Variants in PRDM4 observed in about 807,000 individuals in gnomAD.
The protein encoded by PRDM4 is PR/SET domain 4, also known as PR domain zinc finger protein 4.
A neutral mutation model predicts 62.3 loss-of-function variants in PRDM4; 38 were observed. The ratio of observed to expected loss-of-function variants is 0.61; its 90% CI spans 0.47 to 0.80. The LOEUF is 0.80. Among genes scored for constraint, PRDM4 ranks in the 30% least tolerant of loss-of-function variants. PRDM4 has a pLI of 0.00. For missense variants in PRDM4, 858 were observed against 997.1 expected, an observed-to-expected ratio of 0.86 and a Z score of 1.88; for synonymous variants, 339 against 348.2, an observed-to-expected ratio of 0.97 and a Z score of 0.30.
chr12:107,740,926 G>T lies in PRDM4; in HGVS notation c.1924+20C>A. On this transcript the variant is annotated intron_variant, in intron 10 of 11. Coordinates refer to ENST00000228437, the MANE Select transcript of PRDM4 (RefSeq NM_012406.4). ...CTAATTGTTGCAAAAATTCCATTCT[G>T]ATGGGCCAACACAACTTACCTGTAT... 1 of 1,598,234 alleles carries T rather than the reference G, an allele frequency of 6.3e-7. No individual in the cohort carries two copies. Among genetic ancestry groups the T allele is most frequent in the South Asian group, 1.1e-5 (1 of 89,780 alleles).
At position 107,739,509 on chromosome 12, in the gene PRDM4, G is replaced by C; in HGVS notation, c.1967C>G (p.Thr656Ser). ...GTGGGACTCCAGGTGAGCCTTCTGG[G>C]TGAAAGACTTGTCACACAAGGTACA... is the stretch of plus-strand genomic sequence containing the variant. ...YRCTLCDKSFTQKAHLESHMV... is the reference protein window; with the variant it reads ...YRCTLCDKSFSQKAHLESHMV... The change falls in exon 11 of 12, where the codon ACC becomes AGC. Residue 656 changes from threonine (T) to serine (S), a missense_variant. Transcript: ENST00000228437. The C allele has an allele frequency of 1.2e-6, 2 of 1,613,962 alleles. No homozygotes were observed. The highest frequency in any genetic ancestry group is 1.7e-6 in the Non-Finnish European group (2 of 1,179,876).
At chr12:107,744,225 A>G (rs551582097) in intron 7 of PRDM4, among the ~76,000 whole-genome samples, 2 of 152,376 alleles carry the variant, frequency 1.3e-5, no homozygotes, top group Non-Finnish European at 2.9e-5. Flanking sequence ...GACTTTTATC[A>G]TACAAACAAA....
In PRDM4 at chr12:107,760,386, T is replaced by C. The variant is rs1891201921; in HGVS notation, c.11+119A>G. On this transcript the variant is annotated intron_variant, in intron 2 of 11. Transcript: ENST00000228437. Reference sequence around the variant, plus strand: ...ACACTAGTTTCTGGATTTGTTTCCTTTGCAAATCACACCTGTAACCTTCTC... The same window carrying C: ...ACACTAGTTTCTGGATTTGTTTCCTCTGCAAATCACACCTGTAACCTTCTC... 7.6e-6 allele frequency: 10 copies of C among 1,317,682 alleles called. No individual in the cohort carries two copies. In the East Asian group the frequency reaches 1.0e-4, roughly 14 times the overall value. The allele number at this position is 1,317,682 out of a possible 1,614,324, so 81.6% of individuals were successfully genotyped here. A position where few individuals can be genotyped will look rare whatever the true frequency, so the allele number is the denominator to read the frequency against.
In PRDM4 at chr12:107,746,374, G is replaced by A. The variant is rs758698124; in HGVS notation, c.1177C>T (p.Pro393Ser). The A allele has an allele frequency of 6.2e-7, 1 of 1,613,494 alleles. No homozygotes were observed. Among genetic ancestry groups the A allele is most frequent in the Non-Finnish European group, 8.5e-7 (1 of 1,179,568 alleles). The change falls in exon 6 of 12, where the codon CCA becomes TCA. Residue 393 changes from proline to serine, a missense_variant. Pro to Ser is a moderately conservative substitution (Grantham distance 74). Around this residue, in one of 3 missense-constraint regions of PRDM4, gnomAD observed 499 missense variants for 546.7 expected, o/e 0.91. Coordinates refer to ENST00000228437, the MANE Select transcript of PRDM4 (RefSeq NM_012406.4). ...GGAGTGTCAGGAACAAAAGTCACTG[G>A]TCCATGTTCGGGACAGTCCGAGGGA... ...AYPSDCPEHG[P>S]VTFVPDTPIE...
At chr12:107,753,659 C>G (rs1010256798) in intron 4 of PRDM4, among the ~76,000 whole-genome samples, 1 of 152,032 alleles carries the variant, frequency 6.6e-6, no homozygotes, top group Non-Finnish European at 1.5e-5. Context: ...ATTATAAACA[C>G]CAAATGAAAG....
At chr12:107,742,489 G>T in intron 8 of PRDM4, 141 bp from the exon 9 acceptor site, 1 of 978,000 alleles carries the variant, frequency 1.0e-6, no homozygotes, top group Non-Finnish European at 1.5e-6. Context: ...GTAATTTCCC[G>T]TCCTATCTAT....
intron 10 of PRDM4, 105 bp from the exon 11 acceptor site, chr12:107,739,656 A>G: frequency 5.1e-6 from 6 of 1,179,284 alleles, no homozygotes; most frequent in Non-Finnish European, 5.9e-6. Flanking sequence ...AATGAAACAG[A>G]GCTGACTGGT....
chr12:107,743,585 T>C (rs771195069), intron 7 of PRDM4, among the ~76,000 whole-genome samples: 4 of 152,200 alleles, frequency 2.6e-5, no homozygotes, highest in Non-Finnish European at 5.9e-5. Context: ...CCTGTCTTCA[T>C]CACCTATCAC....
intron 2 of PRDM4, among the ~76,000 whole-genome samples, chr12:107,757,445 T>A (rs1891098034): frequency 2.0e-5 from 3 of 152,234 alleles, no homozygotes; most frequent in Non-Finnish European, 4.4e-5. Context: ...ATCGATGATG[T>A]GAAAAGCATC....
rs575590683 is a variant in PRDM4 at position 107,741,491 on chromosome 12, T to C, written c.1610-231A>G. Among the ~76,000 whole-genome samples, 5 of 152,038 alleles carry C rather than the reference T, an allele frequency of 3.3e-5. No homozygotes were observed. The South Asian group carries it at 1.0e-3, about 32-fold the overall frequency. On this transcript the variant is annotated intron_variant, in intron 9 of 11. Coordinates refer to ENST00000228437, the MANE Select transcript of PRDM4 (RefSeq NM_012406.4). ...TTGAGAGCCCAAAGTGGCATGATCA[T>C]TTGAGGCCAGGAGTTTAAGATCAGC...
intron 8 of PRDM4, 125 bp from the exon 9 acceptor site, chr12:107,742,473 G>A: frequency 8.6e-7 from 1 of 1,163,962 alleles, no homozygotes; most frequent in Non-Finnish European, 1.2e-6. Context: ...CCTCTGGAAT[G>A]TTTTTGTAAT....
chr12:107,748,057 T>C (rs1272355561), intron 5 of PRDM4, among the ~76,000 whole-genome samples: 2 of 152,244 alleles, frequency 1.3e-5, no homozygotes, highest in Non-Finnish European at 2.9e-5. Context: ...CGAGCACTTG[T>C]AGTCCCAGCT....
chr12:107,739,210 A>T, intron 11 of PRDM4, 173 bp downstream of exon 11: 2 of 599,020 alleles, frequency 3.3e-6, no homozygotes, highest in Non-Finnish European at 5.4e-6. Context: ...ATAACACCAA[A>T]AAAAGTGTTC....
intron 6 of PRDM4, among the ~76,000 whole-genome samples, chr12:107,745,512 C>T (rs1890670822): frequency 6.6e-6 from 1 of 151,854 alleles, no homozygotes; most frequent in South Asian, 2.1e-4. Context: ...AGGCTGCACT[C>T]GAGTTACTGT....
rs755039259 is a variant in PRDM4, at chr12:107,751,366, T to C, written c.1126+49A>G. 22 of 1,522,808 alleles carry C rather than the reference T, an allele frequency of 1.4e-5. No homozygotes were observed. In the African/African-American group the frequency reaches 2.9e-4, roughly 20 times the overall value. 94.3% of individuals were successfully genotyped at this position (1,522,808 alleles called of 1,614,324 possible). ...TTACGACTTAACTTGTTAGGGATGG[T>C]GGCCCTTTTTACAAATATTTCCAAA... On this transcript the variant is annotated intron_variant, in intron 5 of 11. Coordinates refer to ENST00000228437, the MANE Select transcript of PRDM4 (RefSeq NM_012406.4).
chr12:107,738,418 G>C (rs779023681), intron 11 of PRDM4: 20 of 152,182 alleles, frequency 1.3e-4, no homozygotes, highest in Non-Finnish European at 1.8e-4. Flanking sequence ...TAAGGAAGCA[G>C]ACAGAAGAAC....
At chr12:107,734,915 AT>A in intron 11 of PRDM4, among the ~76,000 whole-genome samples, 1 of 152,320 alleles carries the variant, frequency 6.6e-6, no homozygotes, top group Admixed American at 6.5e-5. Context: ...TCTCTAGCTA[AT>A]GAATGTTTTG....
rs1335368921 is a variant in PRDM4 at position 107,736,528 on chromosome 12, G to C, written c.2094-2006C>G. 3 of 152,398 alleles carry C rather than the reference G, an allele frequency of 2.0e-5. No individual in the cohort carries two copies. The East Asian group carries it at 5.8e-4, about 29-fold the overall frequency. The allele number at this position is 152,398 out of a possible 1,614,324, so 9.4% of individuals were successfully genotyped here. A position where few individuals can be genotyped will look rare whatever the true frequency, so the allele number is the denominator to read the frequency against. On this transcript the variant is annotated intron_variant, in intron 11 of 11. Transcript: ENST00000228437. ...ATATGAAAAGTAAGAAAAGGTGAAG[G>C]GAGAGGTAGCCAAGTACTATTACAT...
At chr12:107,746,086 A>C (rs974569210) in intron 6 of PRDM4, among the ~76,000 whole-genome samples, 189 bp downstream of exon 6, 2 of 152,252 alleles carry the variant, frequency 1.3e-5, no homozygotes, top group African/African-American at 4.8e-5. Context: ...AGATTTCCCA[A>C]TAAAGTTTTT....
Sources: allele counts gnomAD v4.1 joint callset (sites outside exome capture counted in the v4.1 genomes callset), GRCh38; gene constraint gnomAD v4.1.1; regional missense constraint gnomAD v4.1.1; transcripts MANE v1.5; gene names NCBI Gene and HGNC (gene_info 2026-07-23, HGNC 2026-07-21).